The following CDH8 variants were observed in gnomAD, a reference collection of about 807,000 sequenced individuals.
CDH8 encodes cadherin-8.
A neutral mutation model predicts 68.1 loss-of-function variants in CDH8; 17 were observed. The ratio of observed to expected loss-of-function variants is 0.25; its 90% CI spans 0.17 to 0.37. The LOEUF is 0.37. CDH8 is among the 10% of genes least tolerant of loss of function. The pLI, the probability that CDH8 is intolerant of heterozygous loss-of-function variation, is 1.00. For synonymous variants in CDH8, 372 were observed against 365.1 expected, an observed-to-expected ratio of 1.02 and a Z score of -0.21; for missense variants, 763 against 999.3, an observed-to-expected ratio of 0.76 and a Z score of 3.19.
intron 10 of CDH8, among the ~76,000 whole-genome samples, chr16:61,705,724 G>T (rs1449255557): frequency 2.0e-5 from 3 of 151,790 alleles, no homozygotes; most frequent in Non-Finnish European, 4.4e-5. Flanking sequence ...GTAAGGCCAG[G>T]TTCACAAAAT....
intron 10 of CDH8, chr16:61,692,990 A>T (rs1964260852): frequency 6.6e-6 from 1 of 152,190 alleles, no homozygotes; most frequent in Admixed American, 6.5e-5. Context: ...TTAATTTAAA[A>T]AACACACAAA....
intron 2 of CDH8, among the ~76,000 whole-genome samples, chr16:61,980,400 A>T (rs1472244913): frequency 6.6e-6 from 1 of 152,068 alleles, no homozygotes; most frequent in Non-Finnish European, 1.5e-5. Flanking sequence ...AGTTACTTTA[A>T]TTCTAATCAC....
chr16:62,011,917 G>A (rs560317321), intron 2 of CDH8, among the ~76,000 whole-genome samples: 8 of 152,304 alleles, frequency 5.3e-5, no homozygotes, highest in African/African-American at 7.2e-5. Context: ...TGAGTATTCC[G>A]ATTTTTGTGC....
At chr16:61,701,591 G>T (rs1964429314) in intron 10 of CDH8, among the ~76,000 whole-genome samples, 1 of 152,110 alleles carries the variant, frequency 6.6e-6, no homozygotes, top group Admixed American at 6.5e-5. Context: ...GAATTAAATG[G>T]TAGTTTTGCA....
chr16:61,932,997 T>G (rs909622583), intron 2 of CDH8, among the ~76,000 whole-genome samples: 3 of 152,324 alleles, frequency 2.0e-5, no homozygotes, highest in Admixed American at 2.0e-4. Flanking sequence ...ATCCATTCTT[T>G]GGTCAGTATA....
chr16:61,691,910 A>C (rs1279499799), intron 10 of CDH8: 1 of 152,132 alleles, frequency 6.6e-6, no homozygotes, highest in East Asian at 1.9e-4. Flanking sequence ...CTATTTAGAC[A>C]TTAATAATGT....
At chr16:61,707,021 TTC>T (rs1393291697) in intron 10 of CDH8, among the ~76,000 whole-genome samples, 2 of 152,214 alleles carry the variant, frequency 1.3e-5, no homozygotes, top group African/African-American at 2.4e-5. Flanking sequence ...ACCCAAATAC[TTC>T]TCTTTCTCTT....
chr16:62,009,864 C>G (rs781661517), intron 2 of CDH8, among the ~76,000 whole-genome samples: 5 of 152,144 alleles, frequency 3.3e-5, no homozygotes, highest in Non-Finnish European at 7.4e-5. Context: ...TCAATAAAAC[C>G]ATTTTTCTCT....
intron 2 of CDH8, among the ~76,000 whole-genome samples, chr16:61,971,827 G>A (rs1965345344): frequency 6.6e-6 from 1 of 152,178 alleles, no homozygotes; most frequent in Non-Finnish European, 1.5e-5. Flanking sequence ...ATTTCAAGGA[G>A]TTTAACTGTA....
At chr16:61,914,408 C>T (rs894065344) in intron 2 of CDH8, among the ~76,000 whole-genome samples, 3 of 152,138 alleles carry the variant, frequency 2.0e-5, no homozygotes, top group African/African-American at 7.2e-5. Flanking sequence ...GGATAGTATC[C>T]ATTCCCTAAT....
intron 2 of CDH8, among the ~76,000 whole-genome samples, chr16:61,934,415 A>G (rs1228615925): frequency 6.6e-6 from 1 of 152,164 alleles, no homozygotes; most frequent in Non-Finnish European, 1.5e-5. Context: ...AACAAATGGA[A>G]AGCTTATGTA....
At chr16:61,668,888 G>T (rs1963734268) in intron 10 of CDH8, among the ~76,000 whole-genome samples, 1 of 152,042 alleles carries the variant, frequency 6.6e-6, no homozygotes, top group African/African-American at 2.4e-5. Flanking sequence ...GCTTATAAAT[G>T]TGTGCTCATT....
At chr16:61,726,778 TA>T in intron 9 of CDH8, 1 of 382,716 alleles carries the variant, frequency 2.6e-6, no homozygotes, top group Non-Finnish European at 4.7e-6. Context: ...CATTTGAAAG[TA>T]AAAATTCAGC....
rs1410522926 is a variant in CDH8 at position 61,960,369 on chromosome 16, A to G, written c.253-58896T>C. On this transcript the variant is annotated intron_variant, in intron 2 of 11. Coordinates refer to ENST00000577390, the MANE Select transcript of CDH8 (RefSeq NM_001796.5). The stretch of plus-strand genomic sequence containing the variant: ...TACATGTGTGTGTGTATACACATAC[A>G]TATATACATGTGTGTGTGTATACAC... 3.9e-4 allele frequency among the ~76,000 whole-genome samples: 43 copies of G among 110,132 alleles called. 8 individuals carry two copies. The allele number at this position is 110,132 out of a possible 152,430, so 72.3% of individuals were successfully genotyped here. A position where few individuals can be genotyped will look rare whatever the true frequency, so the allele number is the denominator to read the frequency against.
intron 2 of CDH8, among the ~76,000 whole-genome samples, chr16:61,972,185 C>A (rs2150577393): frequency 6.6e-6 from 1 of 152,134 alleles, no homozygotes; most frequent in East Asian, 1.9e-4. Context: ...CTCTTGCCTG[C>A]CACCATGTAA....
chr16:62,035,770 C>G lies in CDH8; in HGVS notation c.-200+310G>C, dbSNP rs559365164. ...GGGAAGCGGCGAAATAGCCAAGTCG[C>G]CGCAGGGAAGGAAACCGGCAGGAAA... On this transcript the variant is annotated intron_variant, in intron 1 of 11. Coordinates refer to ENST00000577390, the MANE Select transcript of CDH8 (RefSeq NM_001796.5). Among the ~76,000 whole-genome samples the G allele has an allele frequency of 6.6e-5, 10 of 152,304 alleles. No individual in the cohort carries two copies. The South Asian group carries it at 2.1e-3, about 32-fold the overall frequency.
chr16:61,780,728 G>A (rs545593943), intron 8 of CDH8, among the ~76,000 whole-genome samples: 6 of 152,198 alleles, frequency 3.9e-5, no homozygotes, highest in African/African-American at 1.4e-4. Context: ...ATCATGTGAT[G>A]GGCTAAATAA....
At chr16:61,659,083 A>T (rs529231869) in intron 10 of CDH8, among the ~76,000 whole-genome samples, 1 of 152,306 alleles carries the variant, frequency 6.6e-6, no homozygotes, top group Admixed American at 6.5e-5. Context: ...GCAATCTTCT[A>T]AGACTTTCTT....
intron 3 of CDH8, among the ~76,000 whole-genome samples, chr16:61,874,497 A>G (rs1419397012): frequency 6.6e-6 from 1 of 151,836 alleles, no homozygotes; most frequent in Non-Finnish European, 1.5e-5. Context: ...ACGCCCAGCT[A>G]ATTTTTTGTA....
Sources: gnomAD v4.1 joint callset for allele counts (sites outside exome capture counted in the v4.1 genomes callset) on GRCh38, gnomAD v4.1.1 for gene constraint, MANE v1.5 for transcripts, NCBI Gene and HGNC (gene_info 2026-07-23, HGNC 2026-07-21) for gene names.